Variants in ANKRD6 observed in about 807,000 individuals in gnomAD.
The protein encoded by ANKRD6 is ankyrin repeat domain 6.
A neutral mutation model predicts 82.3 loss-of-function variants in ANKRD6; 56 were observed. That is an observed-to-expected ratio of 0.68 (90% CI 0.55 to 0.85). The LOEUF (loss-of-function observed/expected upper bound fraction) is 0.85, where lower values mean the gene tolerates loss of function less well. Ranked by LOEUF, ANKRD6 falls within the 40% of genes least tolerant of loss-of-function variation. ANKRD6 has a pLI of 0.00. For missense variants in ANKRD6, 852 were observed against 907.6 expected, an observed-to-expected ratio of 0.94 and a Z score of 0.79; for synonymous variants, 347 against 352.1, an observed-to-expected ratio of 0.99 and a Z score of 0.16.
intron 1 of ANKRD6, among the ~76,000 whole-genome samples, chr6:89,470,879 G>A (rs1353276133): frequency 1.3e-5 from 2 of 152,100 alleles, no homozygotes; most frequent in African/African-American, 4.8e-5. Context: ...TTGTACCTAA[G>A]TAAAGTTGTG....
At chr6:89,465,120 A>ATT (rs1238834768) in intron 1 of ANKRD6, among the ~76,000 whole-genome samples, 7,442 of 138,758 alleles carry the variant, frequency 0.054, 241 homozygotes, top group South Asian at 0.13. Context: ...CATTGCTTTA[A>ATT]TTTTTTTTTT....
intron 1 of ANKRD6, among the ~76,000 whole-genome samples, chr6:89,550,447 T>A (rs775306824): frequency 1.3e-5 from 2 of 152,002 alleles, no homozygotes; most frequent in African/African-American, 2.4e-5. Context: ...TCCTGTGTAG[T>A]TCCGTCCATA....
chr6:89,496,131 C>G (rs1041857745), intron 1 of ANKRD6, among the ~76,000 whole-genome samples: 3 of 151,814 alleles, frequency 2.0e-5, no homozygotes, highest in Non-Finnish European at 4.4e-5. Context: ...TTCTCCAGGT[C>G]TCAGGAACAC....
At chr6:89,604,405 A>T (rs1461466056) in intron 4 of ANKRD6, among the ~76,000 whole-genome samples, 2 of 152,116 alleles carry the variant, frequency 1.3e-5, no homozygotes, top group Non-Finnish European at 2.9e-5. Context: ...AATGTTTTTA[A>T]ATTTTCAAAC....
chr6:89,576,091 A>G lies in ANKRD6; in HGVS notation c.120+8995A>G, dbSNP rs1360865046. Among the ~76,000 whole-genome samples the G allele has an allele frequency of 2.6e-5, 4 of 151,722 alleles. No homozygotes were observed. The East Asian group carries it at 7.7e-4, about 29-fold the overall frequency. On this transcript the variant is annotated intron_variant, in intron 2 of 15. Transcript: ENST00000339746. ...TTTTGAGACGGAGTCTCGCTCTGTC[A>G]CCCAGGCTGGAGTGCAGTGGTGCGA...
rs1807144987 is a variant in ANKRD6, at chr6:89,630,471, G to T, written c.1651G>T (p.Ala551Ser). The change falls in exon 16 of 16, where the codon GCT (alanine) becomes TCT (serine). Residue 551 changes from alanine (A) to serine (S), a missense_variant. Transcript: ENST00000339746. The stretch of plus-strand genomic sequence containing the variant: ...AGTGGTGACTGCAGGTCCAGCAGCA[G>T]CTTCCGACAGCTCCCCTCCAGTGGT... Reference protein sequence around the residue: ...QLVVTAGPAAASDSSPPVVRP... With the variant: ...QLVVTAGPAASSDSSPPVVRP... 3 of 1,613,792 alleles carry T rather than the reference G, an allele frequency of 1.9e-6. No homozygotes were observed. The highest frequency in any genetic ancestry group is 2.5e-6 in the Non-Finnish European group (3 of 1,179,830).
chr6:89,553,275 G>A (rs1024399309), intron 1 of ANKRD6, among the ~76,000 whole-genome samples: 2 of 152,174 alleles, frequency 1.3e-5, no homozygotes, highest in African/African-American at 4.8e-5. Context: ...CTGGAGGAGG[G>A]TCACACAGCC....
At chr6:89,594,321 G>C (rs896202762) in intron 2 of ANKRD6, among the ~76,000 whole-genome samples, 22 of 152,150 alleles carry the variant, frequency 1.4e-4, no homozygotes, top group Admixed American at 6.5e-4. Context: ...TGGGCATGGT[G>C]ACACATGCCT....
chr6:89,521,199 T>C (rs1781844999), intron 1 of ANKRD6, among the ~76,000 whole-genome samples: 1 of 152,182 alleles, frequency 6.6e-6, no homozygotes, highest in South Asian at 2.1e-4. Flanking sequence ...GCCCTCACAG[T>C]GCTCACAGTC....
At chr6:89,533,727 A>AGTGTGTGTGTGT (rs59064465) in intron 1 of ANKRD6, among the ~76,000 whole-genome samples, 30 of 142,114 alleles carry the variant, frequency 2.1e-4, no homozygotes, top group Middle Eastern at 3.5e-3. Context: ...AGAGAAAATG[A>AGTGTGTGTGTGT]GTGTGTGTGT....
chr6:89,505,599 C>G (rs555427862), intron 1 of ANKRD6, among the ~76,000 whole-genome samples: 1 of 152,366 alleles, frequency 6.6e-6, no homozygotes, highest in South Asian at 2.1e-4. Flanking sequence ...ACAGTGCCTC[C>G]TGGCACTCAA....
chr6:89,616,248 C>T, intron 7 of ANKRD6: 1 of 334,328 alleles, frequency 3.0e-6, no homozygotes, highest in Non-Finnish European at 5.5e-6. Flanking sequence ...GCCTGTCCTC[C>T]TGTCCTCGTG....
intron 1 of ANKRD6, among the ~76,000 whole-genome samples, chr6:89,533,154 C>T (rs1049766217): frequency 2.6e-5 from 4 of 152,122 alleles, no homozygotes; most frequent in Admixed American, 6.5e-5. Context: ...GGATGACAGG[C>T]GTGAGCCACT....
intron 1 of ANKRD6, among the ~76,000 whole-genome samples, chr6:89,526,971 A>G (rs142228017): frequency 3.3e-5 from 5 of 152,300 alleles, no homozygotes; most frequent in East Asian, 1.9e-4. Context: ...GGGGAGGGCA[A>G]TCTGCTTTAT....
intron 2 of ANKRD6, among the ~76,000 whole-genome samples, chr6:89,570,051 G>T (rs551000306): frequency 1.4e-4 from 16 of 110,532 alleles, no homozygotes; most frequent in African/African-American, 5.2e-4. Flanking sequence ...TCGTGTGTGT[G>T]TATGTGTGTA....
chr6:89,502,990 C>T (rs1164924740), intron 1 of ANKRD6, among the ~76,000 whole-genome samples: 4 of 152,158 alleles, frequency 2.6e-5, no homozygotes, highest in Admixed American at 2.6e-4. Context: ...ACCCTCTGCA[C>T]CCTCCCTATA....
chr6:89,452,070 A>G (rs1382024495), intron 1 of ANKRD6, among the ~76,000 whole-genome samples: 1 of 152,066 alleles, frequency 6.6e-6, no homozygotes, highest in East Asian at 1.9e-4. Flanking sequence ...ATTCCCAGCT[A>G]CTTGGGAAGC....
At chr6:89,591,637 C>G (rs1369767302) in intron 2 of ANKRD6, among the ~76,000 whole-genome samples, 1 of 152,212 alleles carries the variant, frequency 6.6e-6, no homozygotes, top group Non-Finnish European at 1.5e-5. Context: ...GGGGCAGCCT[C>G]TTCTCCAAAG....
chr6:89,555,814 T>C (rs1309867080), intron 1 of ANKRD6, among the ~76,000 whole-genome samples: 4 of 152,084 alleles, frequency 2.6e-5, no homozygotes, highest in East Asian at 3.9e-4. Flanking sequence ...GGGGGAAATA[T>C]GTGTCACTGA....
Sources: allele counts gnomAD v4.1 joint callset (sites outside exome capture counted in the v4.1 genomes callset), GRCh38; gene constraint gnomAD v4.1.1; transcripts MANE v1.5; gene names NCBI Gene and HGNC (gene_info 2026-07-23, HGNC 2026-07-21).